WIPF1: variants seen among roughly 807,000 people sequenced by gnomAD.
WIPF1 encodes WAS/WASL interacting protein family member 1.
WIPF1 carries 13 observed loss-of-function variants against 35.4 expected under a neutral mutation model. The ratio of observed to expected loss-of-function variants is 0.37; its 90% CI spans 0.24 to 0.58. The LOEUF is 0.58. Among genes scored for constraint, WIPF1 ranks in the 20% least tolerant of loss-of-function variants. WIPF1 has a pLI of 0.74. For missense variants in WIPF1, 591 were observed against 667.0 expected (o/e 0.89, Z 1.25); for synonymous variants, 267 against 266.3 (o/e 1.00, Z -0.02).
chr2:174,570,217 A>G (rs1684784241), intron 5 of WIPF1, among the ~76,000 whole-genome samples: 1 of 152,320 alleles, frequency 6.6e-6, no homozygotes, highest in East Asian at 1.9e-4. Context: ...TAGAATAATC[A>G]TATCAGCAAA....
At chr2:174,621,977 C>G (rs1686689069) in intron 1 of WIPF1, among the ~76,000 whole-genome samples, 1 of 152,294 alleles carries the variant, frequency 6.6e-6, no homozygotes, top group Non-Finnish European at 1.5e-5. Context: ...AGGAAGCCCG[C>G]TGGGCCCTCC....
chr2:174,674,797 T>C (rs146682095), intron 1 of WIPF1, among the ~76,000 whole-genome samples: 363 of 152,224 alleles, frequency 2.4e-3, no homozygotes, highest in African/African-American at 8.4e-3. Context: ...TATTTTCAAA[T>C]AGTGTCAGTG....
intron 1 of WIPF1, among the ~76,000 whole-genome samples, chr2:174,673,022 G>A (rs148135497): frequency 3.9e-5 from 6 of 152,120 alleles, no homozygotes; most frequent in African/African-American, 7.2e-5. Context: ...TGTGAAGGTG[G>A]GCAAGAGGAC....
At position 174,590,924 on chromosome 2, in the gene WIPF1, A is replaced by G. The variant is rs1042190598; in HGVS notation, c.-38-5313T>C. 6.6e-6 allele frequency among the ~76,000 whole-genome samples: 1 copy of G among 152,246 alleles called. No individual in the cohort carries two copies. Among genetic ancestry groups the G allele is most frequent in the African/African-American group, 2.4e-5 (1 of 41,460 alleles). On this transcript the variant is annotated intron_variant, in intron 1 of 7. Transcript: ENST00000679041. This position sits in a 1 kb window ranked among gnomAD's most constrained non-coding sequence, Gnocchi z 4.6. ...AGAAAAGGCTTTTGTTTTCACATACAGTATTACGGTCTGAACTATGTCCCC... is the reference window on the plus strand; with the variant it reads ...AGAAAAGGCTTTTGTTTTCACATACGGTATTACGGTCTGAACTATGTCCCC...
chr2:174,645,871 CA>C (rs1687399030), intron 1 of WIPF1, among the ~76,000 whole-genome samples: 2 of 152,064 alleles, frequency 1.3e-5, no homozygotes, highest in African/African-American at 4.8e-5. Flanking sequence ...TGTTGTTGAC[CA>C]AAACATTGAA....
chr2:174,588,707 T>C (rs569324424), intron 1 of WIPF1, among the ~76,000 whole-genome samples: 1 of 152,232 alleles, frequency 6.6e-6, no homozygotes, highest in East Asian at 1.9e-4. Context: ...TTGCAGAAAT[T>C]AGCAGGCAAA....
intron 1 of WIPF1, among the ~76,000 whole-genome samples, chr2:174,640,469 T>A (rs2105946593): frequency 6.6e-6 from 1 of 150,828 alleles, no homozygotes; most frequent in East Asian, 2.0e-4. Flanking sequence ...CTGCACATTG[T>A]GCACATGTAC....
chr2:174,605,669 T>C (rs1686137711), intron 1 of WIPF1, among the ~76,000 whole-genome samples: 2 of 152,164 alleles, frequency 1.3e-5, no homozygotes, highest in Admixed American at 6.5e-5. Context: ...TGAAATATGA[T>C]GCCTGGGCTT....
intron 1 of WIPF1, among the ~76,000 whole-genome samples, chr2:174,648,481 T>G (rs1486328825): frequency 1.3e-5 from 2 of 152,196 alleles, no homozygotes; most frequent in Non-Finnish European, 2.9e-5. Context: ...TAAACTGCCT[T>G]TTAACCTTTG....
At chr2:174,645,414 CAT>C (rs977264858) in intron 1 of WIPF1, among the ~76,000 whole-genome samples, 5 of 152,196 alleles carry the variant, frequency 3.3e-5, no homozygotes, top group African/African-American at 9.7e-5. Flanking sequence ...ATGCACACCA[CAT>C]GAGTTGTGCA....
chr2:174,663,957 T>C (rs774170124), intron 1 of WIPF1, among the ~76,000 whole-genome samples: 1 of 152,206 alleles, frequency 6.6e-6, no homozygotes, highest in Non-Finnish European at 1.5e-5. Context: ...TCCCAATTTA[T>C]GGATAAGGAA....
upstream of WIPF1, among the ~76,000 whole-genome samples, chr2:174,599,777 AAC>A (rs555292730): frequency 2.2e-4 from 24 of 107,382 alleles, no homozygotes; most frequent in South Asian, 6.8e-4. Flanking sequence ...AGACACCCCA[AAC>A]ACACACACAC....
At chr2:174,679,008 G>A (rs1214176128) in intron 1 of WIPF1, among the ~76,000 whole-genome samples, 1 of 152,222 alleles carries the variant, frequency 6.6e-6, no homozygotes, top group African/African-American at 2.4e-5. Context: ...ACAGTATTTT[G>A]TTCAGGCTAA....
At chr2:174,630,958 T>C (rs1482704496) in intron 1 of WIPF1, among the ~76,000 whole-genome samples, 1 of 152,220 alleles carries the variant, frequency 6.6e-6, no homozygotes, top group Non-Finnish European at 1.5e-5. Flanking sequence ...ATGAACATTT[T>C]GTTTGAGGCA....
At chr2:174,576,778 A>T (rs1685078095) in intron 3 of WIPF1, among the ~76,000 whole-genome samples, 1 of 152,236 alleles carries the variant, frequency 6.6e-6, no homozygotes, top group South Asian at 2.1e-4. Context: ...TTGTCCAAAG[A>T]AGTGCAAATT....
At chr2:174,648,294 G>A (rs1687460380) in intron 1 of WIPF1, among the ~76,000 whole-genome samples, 1 of 152,002 alleles carries the variant, frequency 6.6e-6, no homozygotes, top group African/African-American at 2.4e-5. Context: ...TAGAACAAGG[G>A]TGCTATTTAC....
chr2:174,564,245 A>G (rs1684573195), intron 7 of WIPF1, among the ~76,000 whole-genome samples: 1 of 152,222 alleles, frequency 6.6e-6, no homozygotes, highest in East Asian at 1.9e-4. Flanking sequence ...ATAAAATATT[A>G]AACATGCCTA....
chr2:174,585,856 C>T (rs1019484933), intron 1 of WIPF1, among the ~76,000 whole-genome samples: 1 of 152,194 alleles, frequency 6.6e-6, no homozygotes, highest in Admixed American at 6.5e-5. Context: ...TCCATTCCCC[C>T]ACCCACTACA....
At chr2:174,672,706 G>C (rs1688046033) in intron 1 of WIPF1, among the ~76,000 whole-genome samples, 1 of 152,166 alleles carries the variant, frequency 6.6e-6, no homozygotes, top group Non-Finnish European at 1.5e-5. Flanking sequence ...TGTCCCATCG[G>C]AGGCATCACA....
Sources: allele counts gnomAD v4.1 joint callset (sites outside exome capture counted in the v4.1 genomes callset), GRCh38; gene constraint gnomAD v4.1.1; non-coding constraint Gnocchi (gnomAD v3.1); transcripts MANE v1.5; gene names NCBI Gene and HGNC (gene_info 2026-07-23, HGNC 2026-07-21).